SEPTIN2: variants seen among roughly 807,000 people sequenced by gnomAD.
The protein encoded by SEPTIN2 is septin-2.
In SEPTIN2, 34 loss-of-function variants were observed where a neutral mutation model predicts 46.5. The observed-to-expected ratio is 0.73, with a 90% CI of 0.56 to 0.97. The LOEUF (loss-of-function observed/expected upper bound fraction) is 0.97. Ranked by LOEUF, SEPTIN2 falls within the 50% of genes least tolerant of loss-of-function variation. SEPTIN2 has a pLI of 0.00. For synonymous variants in SEPTIN2, 175 were observed against 153.4 expected, an observed-to-expected ratio of 1.14 and a Z score of -1.04; for missense variants, 347 against 448.4, an observed-to-expected ratio of 0.77 and a Z score of 2.04.
chr2:241,316,322 A>C, intron 1 of SEPTIN2: 1 of 430,872 alleles, frequency 2.3e-6, no homozygotes. Context: ...CGAGGTCGGG[A>C]GGTTTGGTGC....
intron 7 of SEPTIN2, 50 bp downstream of exon 7, chr2:241,337,840 T>A: frequency 7.6e-7 from 1 of 1,309,926 alleles, no homozygotes; most frequent in Admixed American, 1.7e-5. Context: ...CTCGGGGGCA[T>A]GGGGATGAAG....
chr2:241,334,743 G>T (rs2079624989), intron 3 of SEPTIN2, among the ~76,000 whole-genome samples: 1 of 152,216 alleles, frequency 6.6e-6, no homozygotes, highest in African/African-American at 2.4e-5. Flanking sequence ...TGAAAATGTG[G>T]TGAGTTTAGT....
intron 1 of SEPTIN2, chr2:241,316,207 G>A (rs2076200121): frequency 3.1e-6 from 1 of 323,972 alleles, no homozygotes; most frequent in South Asian, 8.8e-5. Flanking sequence ...CTCCGACACG[G>A]GCAGGCCCGG....
At chr2:241,321,571 T>C (rs1306385528) in intron 1 of SEPTIN2, among the ~76,000 whole-genome samples, 5 of 152,100 alleles carry the variant, frequency 3.3e-5, no homozygotes, top group Non-Finnish European at 7.3e-5. Context: ...TTTGTTGTTT[T>C]TGTTTTTTTT....
chr2:241,324,612 G>A, intron 2 of SEPTIN2: 1 of 313,638 alleles, frequency 3.2e-6, no homozygotes, highest in Non-Finnish European at 6.2e-6. Flanking sequence ...GCCTTGATCT[G>A]TTGACCTCGT....
rs1473139372 is a variant in SEPTIN2 at position 241,352,512 on chromosome 2, C to T, written c.*575C>T. 2.0e-5 allele frequency: 3 copies of T among 152,568 alleles called. No homozygotes were observed. Among genetic ancestry groups the T allele is most frequent in the African/African-American group, 4.8e-5 (2 of 41,416 alleles). The allele number at this position is 152,568 out of a possible 1,614,324, so 9.5% of individuals were successfully genotyped here. A position where few individuals can be genotyped will look rare whatever the true frequency, so the allele number is the denominator to read the frequency against. On this transcript the variant is annotated 3_prime_UTR_variant, in exon 13 of 13. Coordinates refer to ENST00000391971, the MANE Select transcript of SEPTIN2 (RefSeq NM_004404.5). ...TAATTCTATACTGTTGATTCGTCTG[C>T]GATTTTATCTGTTAACCAAATAAAA...
Position 241,343,050 on chromosome 2 carries a change from C to T in SEPTIN2, c.653C>T (p.Ser218Leu), listed in dbSNP as rs750744285. 1.2e-6 allele frequency: 2 copies of T among 1,610,360 alleles called. No individual in the cohort carries two copies. Among genetic ancestry groups the T allele is most frequent in the African/African-American group, 1.3e-5 (1 of 74,766 alleles). Residue 218 changes from serine (S) to leucine (L), a missense_variant, in exon 8 of 13, where the codon TCA becomes TTA. By Grantham distance (145) the Ser-to-Leu change is moderately radical. Coordinates refer to ENST00000391971, the MANE Select transcript of SEPTIN2 (RefSeq NM_004404.5). Reference protein sequence around the residue: ...IKIYHLPDAESDEDEDFKEQT... With the variant: ...IKIYHLPDAELDEDEDFKEQT... ...ATCTATCACTTACCTGATGCAGAAT[C>T]AGATGAAGATGAAGATTTTAAAGAG...
rs770057020 is a variant in SEPTIN2 at position 241,335,128 on chromosome 2, G to A, written c.133G>A (p.Glu45Lys). 3 of 1,609,038 alleles carry A rather than the reference G, an allele frequency of 1.9e-6. No individual in the cohort carries two copies. Among genetic ancestry groups the A allele is most frequent in the Non-Finnish European group, 2.6e-6 (3 of 1,175,834 alleles). ...AAGGTTTTTCTTTTTATTTAAAGGT[G>A]AATCAGGTCTAGGAAAATCGACTCT... is the stretch of plus-strand genomic sequence containing the variant. Reference protein sequence around the residue: ...GFEFTLMVVGESGLGKSTLIN... With the variant: ...GFEFTLMVVGKSGLGKSTLIN... The change falls in exon 4 of 13, where the codon GAA becomes AAA. Residue 45 changes from glutamate (E) to lysine (K), a missense_variant and splice_region_variant. Transcript: ENST00000391971.
rs533422343 is a variant in SEPTIN2, at chr2:241,336,010, A to G, written c.253A>G (p.Thr85Ala). ...IERTVQIEAS[T>A]VEIEERGVKL... ...AAGAACTGTCCAGATTGAGGCTTCA[A>G]CTGTTGAAATTGAAGAGCGAGGGGT... Residue 85 changes from threonine to alanine, a missense_variant, in exon 5 of 13, where the codon ACT becomes GCT. Physicochemically the swap from Thr to Ala is moderately conservative, Grantham distance 58. Transcript: ENST00000391971. 22 of 1,613,996 alleles carry G rather than the reference A, an allele frequency of 1.4e-5. No individual in the cohort carries two copies. Among genetic ancestry groups the G allele is most frequent in the South Asian group, 3.3e-5 (3 of 91,070 alleles).
intron 3 of SEPTIN2, among the ~76,000 whole-genome samples, chr2:241,331,186 A>G (rs1362092099): frequency 6.6e-6 from 1 of 152,232 alleles, no homozygotes; most frequent in Non-Finnish European, 1.5e-5. Context: ...CTCAAAAAAA[A>G]CAAAAGAAAA....
intron 7 of SEPTIN2, among the ~76,000 whole-genome samples, chr2:241,338,727 T>C (rs1281667422): frequency 1.8e-5 from 2 of 111,532 alleles, no homozygotes; most frequent in South Asian, 5.0e-4. Flanking sequence ...TAATATATTA[T>C]ATATATTATA....
chr2:241,334,027 G>GTT (rs60119858), intron 3 of SEPTIN2, among the ~76,000 whole-genome samples: 5 of 151,764 alleles, frequency 3.3e-5, no homozygotes, highest in Non-Finnish European at 5.9e-5. Flanking sequence ...AGGTTTTGGG[G>GTT]TTTTTTTTAC....
In SEPTIN2 at chr2:241,337,433, T is replaced by C; in HGVS notation, c.393T>C (p.His131=). 6.2e-7 allele frequency: 1 copy of C among 1,614,116 alleles called. No homozygotes were observed. Among genetic ancestry groups the C allele is most frequent in the Non-Finnish European group, 8.5e-7 (1 of 1,179,984 alleles). ...ATGAGCAATTTGAGAGGTACCTGCA[T>C]GACGAGAGCGGCTTGAACAGGCGGC... is the stretch of plus-strand genomic sequence containing the variant. ...YIDEQFERYL[H]DESGLNRRHI... Residue 131 remains histidine, a synonymous_variant, in exon 6 of 13, where the codon CAT becomes CAC. Transcript: ENST00000391971.
intron 9 of SEPTIN2, among the ~76,000 whole-genome samples, chr2:241,345,473 T>C (rs1159095276): frequency 6.6e-6 from 1 of 152,202 alleles, no homozygotes; most frequent in African/African-American, 2.4e-5. Flanking sequence ...TTTCTCACAA[T>C]GAGGTAGAGT....
At chr2:241,336,229 C>A in intron 5 of SEPTIN2, 131 bp downstream of exon 5, 1 of 959,012 alleles carries the variant, frequency 1.0e-6, no homozygotes, top group Non-Finnish European at 1.5e-6. Flanking sequence ...CAATTTAAAG[C>A]GTGTTAAATG....
At chr2:241,343,230 G>A (rs1293769494) in intron 8 of SEPTIN2, 137 bp downstream of exon 8, 6 of 610,402 alleles carry the variant, frequency 9.8e-6, no homozygotes, top group Non-Finnish European at 1.8e-5. Flanking sequence ...CTCATGCAGT[G>A]GCTCATGCCT....
At chr2:241,319,194 TTTGA>T (rs1168093313) in intron 1 of SEPTIN2, among the ~76,000 whole-genome samples, 1 of 152,250 alleles carries the variant, frequency 6.6e-6, no homozygotes, top group Admixed American at 6.5e-5. Context: ...TGATTGGATA[TTTGA>T]TTGCATTAAA....
chr2:241,346,317 T>C, intron 10 of SEPTIN2, 68 bp downstream of exon 10: 1 of 1,237,830 alleles, frequency 8.1e-7, no homozygotes, highest in Non-Finnish European at 1.2e-6. Context: ...CTCCTCTATG[T>C]GTTCAGCTCA....
intron 10 of SEPTIN2, 70 bp from the exon 11 acceptor site, chr2:241,348,064 G>T: frequency 1.6e-6 from 2 of 1,241,278 alleles, no homozygotes; most frequent in Non-Finnish European, 1.2e-6. Flanking sequence ...TTTTAAAGTA[G>T]AATTTTTTGG....
Sources: gnomAD v4.1 joint callset for allele counts (sites outside exome capture counted in the v4.1 genomes callset) on GRCh38, gnomAD v4.1.1 for gene constraint, MANE v1.5 for transcripts, NCBI Gene and HGNC (gene_info 2026-07-23, HGNC 2026-07-21) for gene names.